ALPK1: variants seen among roughly 807,000 people sequenced by gnomAD.
ALPK1 encodes alpha kinase 1.
Under a neutral mutation model 120.6 loss-of-function variants are expected in ALPK1, and 110 were observed. The observed-to-expected ratio is 0.91, with a 90% CI of 0.78 to 1.07. The LOEUF is 1.07. ALPK1 is among the 50% of genes least tolerant of loss of function. ALPK1 has a pLI of 0.00. For synonymous variants in ALPK1, 582 were observed against 560.3 expected, an observed-to-expected ratio of 1.04 and a Z score of -0.55; for missense variants, 1,498 against 1,483.9, an observed-to-expected ratio of 1.01 and a Z score of -0.16.
chr4:112,391,756 C>T (rs967572926), intron 4 of ALPK1, among the ~76,000 whole-genome samples: 5 of 152,184 alleles, frequency 3.3e-5, no homozygotes, highest in Non-Finnish European at 1.5e-5. Context: ...GCCCCACTGA[C>T]GTCTTGATTT....
chr4:112,410,235 C>T (rs1733389237), intron 4 of ALPK1, among the ~76,000 whole-genome samples: 3 of 151,984 alleles, frequency 2.0e-5, no homozygotes, highest in South Asian at 2.1e-4. Context: ...CAGCTCCATC[C>T]GGTTTCCTAA....
intron 2 of ALPK1, among the ~76,000 whole-genome samples, chr4:112,327,581 G>A (rs781210785): frequency 2.9e-4 from 44 of 152,050 alleles, no homozygotes; most frequent in Non-Finnish European, 4.9e-4. Flanking sequence ...GACTACAGGC[G>A]TGCACAACCG....
chr4:112,310,340 A>G (rs1322112922), intron 1 of ALPK1, among the ~76,000 whole-genome samples: 1 of 152,170 alleles, frequency 6.6e-6, no homozygotes, highest in Non-Finnish European at 1.5e-5. Flanking sequence ...GAGAGGCTCC[A>G]GATCCTTCCA....
intron 4 of ALPK1, among the ~76,000 whole-genome samples, chr4:112,386,172 C>T (rs564055968): frequency 6.6e-6 from 1 of 152,250 alleles, no homozygotes; most frequent in South Asian, 2.1e-4. Flanking sequence ...TTCTGGTCTC[C>T]ACTGTGTTCC....
intron 2 of ALPK1, among the ~76,000 whole-genome samples, chr4:112,326,719 A>G (rs1246258812): frequency 1.3e-5 from 2 of 152,238 alleles, no homozygotes; most frequent in Non-Finnish European, 2.9e-5. Flanking sequence ...AAAATGTGAC[A>G]GAACTCCAAC....
chr4:112,429,173 C>A lies in ALPK1; in HGVS notation c.820C>A (p.His274Asn). Residue 274 changes from histidine to asparagine, a missense_variant, in exon 10 of 16, where the codon CAT (histidine) becomes AAT (asparagine). By Grantham distance (68) the His-to-Asn change is moderately conservative. Coordinates refer to ENST00000650871, the MANE Select transcript of ALPK1 (RefSeq NM_025144.4). ...GAGCCTGCTGAAGGAGTTTGACCAC[C>A]ATTTGCTGTCCGCTGCAGAAGCCTG... is the stretch of plus-strand genomic sequence containing the variant. ...NLSLLKEFDH[H>N]LLSAAEACKL... is the part of the protein sequence containing the mutation. The A allele has an allele frequency of 6.2e-7, 1 of 1,613,404 alleles. No individual in the cohort carries two copies. Among genetic ancestry groups the A allele is most frequent in the Non-Finnish European group, 8.5e-7 (1 of 1,179,966 alleles).
At chr4:112,388,000 G>A (rs551516890) in intron 4 of ALPK1, among the ~76,000 whole-genome samples, 8 of 152,234 alleles carry the variant, frequency 5.3e-5, no homozygotes, top group African/African-American at 1.9e-4. Context: ...TCATCATTTA[G>A]CTCCCACTTA....
At chr4:112,396,874 T>A in intron 4 of ALPK1, among the ~76,000 whole-genome samples, 1 of 151,944 alleles carries the variant, frequency 6.6e-6, no homozygotes, top group East Asian at 1.9e-4. Flanking sequence ...ATCTCCTGGG[T>A]TCAAGCAATT....
chr4:112,440,125 A>C (rs1734969981), intron 14 of ALPK1, among the ~76,000 whole-genome samples: 1 of 152,200 alleles, frequency 6.6e-6, no homozygotes, highest in South Asian at 2.1e-4. Flanking sequence ...TTTGTTCCAG[A>C]GCATCTCTAT....
intron 2 of ALPK1, among the ~76,000 whole-genome samples, chr4:112,331,384 C>G (rs1729362228): frequency 1.3e-5 from 2 of 152,190 alleles, no homozygotes; most frequent in Admixed American, 1.3e-4. Flanking sequence ...ACGTGTATCT[C>G]TACCCTAAAC....
chr4:112,378,821 A>G (rs1361332853), intron 3 of ALPK1, among the ~76,000 whole-genome samples: 1 of 152,218 alleles, frequency 6.6e-6, no homozygotes, highest in East Asian at 1.9e-4. Flanking sequence ...ATAGGCACAT[A>G]TATTTTTACA....
At chr4:112,416,142 G>A (rs754388594) in intron 5 of ALPK1, among the ~76,000 whole-genome samples, 29 of 152,122 alleles carry the variant, frequency 1.9e-4, no homozygotes, top group Non-Finnish European at 3.2e-4. Context: ...TGCAGATTCC[G>A]ATTCAGTAGA....
rs757452670 is a variant in ALPK1, at chr4:112,423,919, G to C, written c.476-25G>C. The C allele has an allele frequency of 2.5e-6, 4 of 1,613,290 alleles. No individual in the cohort carries two copies. In the South Asian group the frequency reaches 3.3e-5, roughly 13 times the overall value. On this transcript the variant is annotated intron_variant, in intron 5 of 15. Transcript: ENST00000650871. ...TAAGTGCATGTTCAAAGCTAATTGT[G>C]TGGCATTTGGTTGCTGCTTTTCAGG...
intron 2 of ALPK1, chr4:112,343,248 T>C (rs1042457097): frequency 1.3e-5 from 2 of 152,260 alleles, no homozygotes; most frequent in African/African-American, 4.8e-5. Flanking sequence ...TCAAGATATC[T>C]GATGTCATTT....
chr4:112,424,866 T>A (rs1043245827), intron 6 of ALPK1, among the ~76,000 whole-genome samples: 8 of 151,790 alleles, frequency 5.3e-5, no homozygotes, highest in Non-Finnish European at 1.0e-4. Flanking sequence ...TAGTAAAGAG[T>A]CTGCCTCTAT....
chr4:112,377,898 G>C lies in ALPK1; in HGVS notation c.121G>C (p.Ala41Pro), dbSNP rs763952394. 2 of 1,605,336 alleles carry C rather than the reference G, an allele frequency of 1.2e-6. No homozygotes were observed. The highest frequency in any genetic ancestry group is 4.5e-5 in the East Asian group (2 of 44,600). The stretch of plus-strand genomic sequence containing the variant: ...CAAGAGCGAGGACCAGCGCTGCAGA[G>C]GTGAGGTTCTGATGGGAGGCACCAG... The part of the protein sequence containing the change: ...EDKSEDQRCR[A>P]LLPSELRTLI... The change falls in exon 3 of 16, where the codon GCT (alanine) becomes CCT (proline). Residue 41 changes from alanine (A) to proline (P), a missense_variant and splice_region_variant. Transcript: ENST00000650871.
intron 3 of ALPK1, among the ~76,000 whole-genome samples, chr4:112,379,206 T>A (rs547208067): frequency 6.6e-6 from 1 of 152,204 alleles, no homozygotes; most frequent in Non-Finnish European, 1.5e-5. Flanking sequence ...GAGCTCCCAA[T>A]TGGGTAGCAT....
intron 1 of ALPK1, among the ~76,000 whole-genome samples, chr4:112,306,028 T>C (rs1160226535): frequency 6.6e-6 from 1 of 152,124 alleles, no homozygotes; most frequent in African/African-American, 2.4e-5. Context: ...TGTCTTTGGT[T>C]CTATTTATAT....
chr4:112,318,599 T>C (rs1213766223), intron 2 of ALPK1, among the ~76,000 whole-genome samples: 1 of 152,252 alleles, frequency 6.6e-6, no homozygotes. Context: ...CAAGAAAGTC[T>C]TTAGAGAAGT....
Sources: allele counts gnomAD v4.1 joint callset (sites outside exome capture counted in the v4.1 genomes callset), GRCh38; gene constraint gnomAD v4.1.1; transcripts MANE v1.5; gene names NCBI Gene and HGNC (gene_info 2026-07-23, HGNC 2026-07-21).